The following GPC5 variants were observed in gnomAD, a reference collection of about 807,000 sequenced individuals.
GPC5 encodes the protein glypican 5, also known as glypican-5.
A neutral mutation model predicts 53.9 loss-of-function variants in GPC5; 47 were observed. The observed-to-expected ratio is 0.87, with a 90% CI of 0.69 to 1.11. The LOEUF (loss-of-function observed/expected upper bound fraction) is 1.11. GPC5 is among the 50% of genes most tolerant of loss of function. GPC5 has a pLI of 0.00. For synonymous variants in GPC5, 286 were observed against 263.3 expected, an observed-to-expected ratio of 1.09 and a Z score of -0.84; for missense variants, 748 against 713.1, an observed-to-expected ratio of 1.05 and a Z score of -0.56.
chr13:91,535,672 C>T (rs918855075), intron 2 of GPC5, among the ~76,000 whole-genome samples: 1 of 151,892 alleles, frequency 6.6e-6, no homozygotes, highest in East Asian at 1.9e-4. Flanking sequence ...AACAGTAAAA[C>T]GAATATACAT....
intron 2 of GPC5, among the ~76,000 whole-genome samples, chr13:91,508,006 G>C (rs1440445568): frequency 6.6e-6 from 1 of 152,092 alleles, no homozygotes; most frequent in African/African-American, 2.4e-5. Context: ...AAACTCCTTA[G>C]AAAATGTCTT....
chr13:92,430,910 A>G (rs1375474901), intron 7 of GPC5, among the ~76,000 whole-genome samples: 2 of 152,188 alleles, frequency 1.3e-5, no homozygotes, highest in Non-Finnish European at 2.9e-5. Flanking sequence ...TGCAAAAATT[A>G]GCTCTACTAG....
chr13:92,672,321 G>T (rs1886781071), intron 7 of GPC5, among the ~76,000 whole-genome samples: 1 of 152,172 alleles, frequency 6.6e-6, no homozygotes, highest in South Asian at 2.1e-4. Flanking sequence ...TACAAATCAA[G>T]ACCACAGTAA....
At position 91,609,810 on chromosome 13, in the gene GPC5, G is replaced by A. The variant is rs189953554; in HGVS notation, c.326-83377G>A. On this transcript the variant is annotated intron_variant, in intron 2 of 7. Coordinates refer to ENST00000377067, the MANE Select transcript of GPC5 (RefSeq NM_004466.6). ...TGCTCACTGGGCTGAAGTGTTTCAG[G>A]ATGGATATGGAAAAAACCCAGGCTG... Among the ~76,000 whole-genome samples the A allele has an allele frequency of 1.2e-4, 19 of 152,260 alleles. No individual in the cohort carries two copies. The East Asian group carries it at 2.1e-3, about 17-fold the overall frequency.
chr13:92,066,508 A>G (rs1313698329), intron 6 of GPC5, among the ~76,000 whole-genome samples: 1 of 151,930 alleles, frequency 6.6e-6, no homozygotes, highest in Non-Finnish European at 1.5e-5. Flanking sequence ...TCCAATGGCA[A>G]TTAACTTTCA....
intron 7 of GPC5, among the ~76,000 whole-genome samples, chr13:92,466,265 C>A (rs4405428): frequency 6.6e-6 from 1 of 151,736 alleles, no homozygotes; most frequent in Non-Finnish European, 1.5e-5. Context: ...CCTTGCGTAT[C>A]AGGACAAACT....
chr13:91,797,774 G>C lies in GPC5; in HGVS notation c.1280+41354G>C, dbSNP rs2038069534. 4.6e-5 allele frequency among the ~76,000 whole-genome samples: 7 copies of C among 152,296 alleles called. No homozygotes were observed. The South Asian group carries it at 1.5e-3, about 32-fold the overall frequency. On this transcript the variant is annotated intron_variant, in intron 5 of 7. Transcript: ENST00000377067. ...AAACTGTGACGGTGAGGCAGAGCAGGCGTCGTGCTGACAGCTGAGATGCTT... is the reference window on the plus strand; with the variant it reads ...AAACTGTGACGGTGAGGCAGAGCAGCCGTCGTGCTGACAGCTGAGATGCTT...
chr13:91,777,152 G>T (rs1182748804), intron 5 of GPC5, among the ~76,000 whole-genome samples: 1 of 151,970 alleles, frequency 6.6e-6, no homozygotes, highest in African/African-American at 2.4e-5. Flanking sequence ...GGATAATATT[G>T]AATACAGACA....
intron 2 of GPC5, among the ~76,000 whole-genome samples, chr13:91,644,053 T>C (rs2034500271): frequency 6.6e-6 from 1 of 151,780 alleles, no homozygotes; most frequent in Non-Finnish European, 1.5e-5. Flanking sequence ...CTTCAACCCA[T>C]GACATAGGCT....
At chr13:91,992,344 GTTA>G (rs947556712) in intron 6 of GPC5, among the ~76,000 whole-genome samples, 12 of 151,978 alleles carry the variant, frequency 7.9e-5, no homozygotes, top group African/African-American at 2.7e-4. Flanking sequence ...AAGGGTTATA[GTTA>G]TTATTCTACC....
At position 92,741,856 on chromosome 13, in the gene GPC5, A is replaced by G. The variant is rs144703421; in HGVS notation, c.1562-124426A>G. ...GCGGTGTTTGGTTTTTTTCCTTGAG[A>G]TAGTTTGCTGAGAATGATGGTTTCC... On this transcript the variant is annotated intron_variant, in intron 7 of 7. Transcript: ENST00000377067. 3.6e-3 allele frequency among the ~76,000 whole-genome samples: 551 copies of G among 151,900 alleles called. 2 individuals carry two copies. Among genetic ancestry groups the G allele is most frequent in the African/African-American group, 0.012 (487 of 41,398 alleles).
At chr13:91,683,082 C>T (rs183908589) in intron 2 of GPC5, among the ~76,000 whole-genome samples, 5 of 151,066 alleles carry the variant, frequency 3.3e-5, no homozygotes, top group South Asian at 2.1e-4. Flanking sequence ...TGGAGGATCG[C>T]GAGATGGGGT....
chr13:92,558,631 G>A (rs1882585147), intron 7 of GPC5, among the ~76,000 whole-genome samples: 1 of 151,966 alleles, frequency 6.6e-6, no homozygotes, highest in African/African-American at 2.4e-5. Context: ...GGGGTAAGCA[G>A]GGAAGGTATA....
intron 2 of GPC5, among the ~76,000 whole-genome samples, chr13:91,496,784 TA>T (rs1387132370): frequency 6.6e-6 from 1 of 152,148 alleles, no homozygotes; most frequent in Non-Finnish European, 1.5e-5. Flanking sequence ...TAAAAGAGTA[TA>T]ATCATAACGC....
intron 7 of GPC5, among the ~76,000 whole-genome samples, chr13:92,695,687 T>C (rs1887536882): frequency 6.6e-6 from 1 of 151,678 alleles, no homozygotes; most frequent in African/African-American, 2.4e-5. Context: ...TCTCTTGTAT[T>C]AAAAATTTTA....
chr13:92,448,382 G>A (rs1877919359), intron 7 of GPC5: 1 of 152,030 alleles, frequency 6.6e-6, no homozygotes, highest in Non-Finnish European at 1.5e-5. Flanking sequence ...AATACAGTGT[G>A]CTTATAAAAT....
intron 7 of GPC5, among the ~76,000 whole-genome samples, chr13:92,158,679 C>T (rs1163050803): frequency 6.6e-6 from 1 of 150,378 alleles, no homozygotes; most frequent in Non-Finnish European, 1.5e-5. Context: ...AGTTTAATTC[C>T]TCAACATCTC....
At chr13:91,714,402 TTCA>T (rs2036290526) in intron 3 of GPC5, among the ~76,000 whole-genome samples, 2 of 152,178 alleles carry the variant, frequency 1.3e-5, no homozygotes, top group African/African-American at 4.8e-5. Context: ...TTATGCAAGG[TTCA>T]TAAGTAATGC....
chr13:92,396,973 G>A (rs184793426), intron 7 of GPC5, among the ~76,000 whole-genome samples: 1 of 152,304 alleles, frequency 6.6e-6, no homozygotes, highest in Non-Finnish European at 1.5e-5. Flanking sequence ...ATATTTCACA[G>A]TATTTATGAT....
Sources: allele counts gnomAD v4.1 joint callset (sites outside exome capture counted in the v4.1 genomes callset), GRCh38; gene constraint gnomAD v4.1.1; transcripts MANE v1.5; gene names NCBI Gene and HGNC (gene_info 2026-07-23, HGNC 2026-07-21).